Variants in STX1A observed in about 807,000 individuals in gnomAD.
STX1A encodes the protein syntaxin 1A.
STX1A carries 4 observed loss-of-function variants against 37.8 expected under a neutral mutation model. The observed-to-expected ratio is 0.11, with a 90% CI of 0.05 to 0.24. The LOEUF is 0.24. Ranked by LOEUF, STX1A falls within the 10% of genes least tolerant of loss-of-function variation. The probability of loss-of-function intolerance (pLI) is 1.00; values close to 1 mark genes in which losing one functional copy is unlikely to be tolerated. For missense variants in STX1A, 251 were observed against 399.9 expected (o/e 0.63, Z 3.18); for synonymous variants, 135 against 147.4 (o/e 0.92, Z 0.61).
At position 73,706,673 on chromosome 7, in the gene STX1A, C is replaced by T. The variant is rs1417390880; in HGVS notation, c.209-1449G>A. On this transcript the variant is annotated intron_variant, in intron 3 of 9. Coordinates refer to ENST00000222812, the MANE Select transcript of STX1A (RefSeq NM_004603.4). The surrounding 1 kb of genome is among the most constrained non-coding windows in gnomAD (Gnocchi z 4.6). ...GCAGACAGCTCTGCTGCCCCATGCC[C>T]GCCCCACCTGCCAGCAGTGAGAGAC... 6.6e-6 allele frequency among the ~76,000 whole-genome samples: 1 copy of T among 152,070 alleles called. No homozygotes were observed. The highest frequency in any genetic ancestry group is 6.6e-5 in the Admixed American group (1 of 15,266).
chr7:73,704,527 T>A lies in STX1A; in HGVS notation c.284-104A>T, dbSNP rs1423463313. 10 of 1,423,320 alleles carry A rather than the reference T, an allele frequency of 7.0e-6. No homozygotes were observed. The African/African-American group carries it at 1.4e-4, about 20-fold the overall frequency. The allele number at this position is 1,423,320 out of a possible 1,614,324, so 88.2% of individuals were successfully genotyped here. On this transcript the variant is annotated intron_variant, in intron 4 of 9. Transcript: ENST00000222812. ...ACCTTCCCACATCCCCTAGGGTATG[T>A]GTGTGGCCTGTGGCTGGTGGGATCA...
Position 73,706,623 on chromosome 7 carries a change from G to A in STX1A, c.209-1399C>T, listed in dbSNP as rs1350306140. ...CGCAGCAGGAGACGGTGCAGGAGGT[G>A]GCCTGCAGGAGCCCAAGGTGTGGAG... On this transcript the variant is annotated intron_variant, in intron 3 of 9. Coordinates refer to ENST00000222812, the MANE Select transcript of STX1A (RefSeq NM_004603.4). This position sits in a 1 kb window ranked among gnomAD's most constrained non-coding sequence, Gnocchi z 4.6. 1.3e-5 allele frequency among the ~76,000 whole-genome samples: 2 copies of A among 152,112 alleles called. No homozygotes were observed. The highest frequency in any genetic ancestry group is 6.6e-5 in the Admixed American group (1 of 15,264).
In STX1A at chr7:73,705,114, A is replaced by G; in HGVS notation, c.283+36T>C. On this transcript the variant is annotated intron_variant, in intron 4 of 9. Transcript: ENST00000222812. This position sits in a 1 kb window ranked among gnomAD's most constrained non-coding sequence, Gnocchi z 5.2. ...GCTCCGCAGAGGAAGCAGGCCTAGA[A>G]TGCCCCCCACCCACCCCCAGACAAG... 6.2e-7 allele frequency: 1 copy of G among 1,600,584 alleles called. No homozygotes were observed. The highest frequency in any genetic ancestry group is 8.6e-7 in the Non-Finnish European group (1 of 1,167,680).
chr7:73,702,887 T>C lies in STX1A; in HGVS notation c.636A>G (p.Leu212=), dbSNP rs782714325. 2 of 1,613,906 alleles carry C rather than the reference T, an allele frequency of 1.2e-6. No individual in the cohort carries two copies. Among genetic ancestry groups the C allele is most frequent in the East Asian group, 2.2e-5 (1 of 44,872 alleles). Residue 212 remains leucine, a synonymous_variant, in exon 8 of 10, where the codon CTA becomes CTG. Coordinates refer to ENST00000222812, the MANE Select transcript of STX1A (RefSeq NM_004603.4). The surrounding 1 kb of genome is among the most constrained non-coding windows in gnomAD (Gnocchi z 4.7). ...TGGCCATGTCCATGAACATGTCGTG[T>C]AGCTCACGGATGCTGTTCTCCAGCT... The part of the protein sequence containing the change: ...IIKLENSIRE[L]HDMFMDMAML...
rs1554615709 is a variant in STX1A, at chr7:73,700,670, ATGGTTG to A, written c.789+54_789+59del. 2 of 1,598,070 alleles carry A rather than the reference ATGGTTG, an allele frequency of 1.3e-6. No homozygotes were observed. The highest frequency in any genetic ancestry group is 2.7e-5 in the African/African-American group (2 of 74,018). ...GAGGTGGGATGGGGAGGGATGTGGG[ATGGTTG>A]GGGGTCCCTAATGGGTGCTGGGGCA... On this transcript the variant is annotated intron_variant, in intron 9 of 9. Coordinates refer to ENST00000222812, the MANE Select transcript of STX1A (RefSeq NM_004603.4). This position sits in a 1 kb window ranked among gnomAD's most constrained non-coding sequence, Gnocchi z 4.4.
In STX1A at chr7:73,709,199, C is replaced by T. The variant is rs73362402; in HGVS notation, c.31-77G>A. On this transcript the variant is annotated intron_variant, in intron 1 of 9. Transcript: ENST00000222812. The surrounding 1 kb of genome is among the most constrained non-coding windows in gnomAD (Gnocchi z 4.2). Reference sequence around the variant, plus strand: ...ACACACGCAGGTGCCCAGGGTACAGCGCCAGGGCCCTGCCCCTCCCCCTCT... The same window carrying T: ...ACACACGCAGGTGCCCAGGGTACAGTGCCAGGGCCCTGCCCCTCCCCCTCT... 0.087 allele frequency: 127,004 copies of T among 1,463,200 alleles called. 5,839 individuals carry two copies. Among genetic ancestry groups the T allele is most frequent in the Middle Eastern group, 0.1 (572 of 5,484 alleles). 90.6% of individuals were successfully genotyped at this position (1,463,200 alleles called of 1,614,324 possible).
Position 73,701,736 on chromosome 7 carries a change from G to A in STX1A, c.679-896C>T, listed in dbSNP as rs189255999. On this transcript the variant is annotated intron_variant, in intron 8 of 9. Transcript: ENST00000222812. ...CTGTTTCTCACCAGATGGCGGCAGC[G>A]GCAGCCTCCTGACGGCCTCCGTACT... is the stretch of plus-strand genomic sequence containing the variant. Among the ~76,000 whole-genome samples the A allele has an allele frequency of 3.5e-4, 53 of 152,216 alleles. No individual in the cohort carries two copies. In the East Asian group the frequency reaches 7.0e-3, roughly 20 times the overall value.
chr7:73,702,614 G>C lies in STX1A; in HGVS notation c.678+231C>G. On this transcript the variant is annotated intron_variant, in intron 8 of 9. Coordinates refer to ENST00000222812, the MANE Select transcript of STX1A (RefSeq NM_004603.4). The surrounding 1 kb of genome is among the most constrained non-coding windows in gnomAD (Gnocchi z 4.7). The stretch of plus-strand genomic sequence containing the variant: ...GGAATGAGAGACGGCGGGGTATAGA[G>C]GGTGGGGCCATGCAGGGCCTGGGGT... 7.5e-7 allele frequency: 1 copy of C among 1,325,530 alleles called. No homozygotes were observed. The highest frequency in any genetic ancestry group is 1.5e-5 in the African/African-American group (1 of 67,424). The allele number at this position is 1,325,530 out of a possible 1,614,324, so 82.1% of individuals were successfully genotyped here.
chr7:73,711,748 G>A (rs1799110882), intron 1 of STX1A, among the ~76,000 whole-genome samples: 2 of 152,118 alleles, frequency 1.3e-5, no homozygotes, highest in Non-Finnish European at 2.9e-5. Context: ...GATCAGGGTA[G>A]ATGACAAAGG....
intron 1 of STX1A, among the ~76,000 whole-genome samples, chr7:73,714,264 C>T (rs1257474869): frequency 2.0e-5 from 3 of 151,796 alleles, no homozygotes; most frequent in Admixed American, 2.0e-4. Flanking sequence ...ACCCGCACCA[C>T]ACCCGGCTAG....
rs911459423 is a variant in STX1A at position 73,702,597 on chromosome 7, A to C, written c.678+248T>G. 33 of 1,197,182 alleles carry C rather than the reference A, an allele frequency of 2.8e-5. No homozygotes were observed. Among genetic ancestry groups the C allele is most frequent in the Non-Finnish European group, 3.5e-5 (31 of 887,238 alleles). 74.2% of individuals were successfully genotyped at this position (1,197,182 alleles called of 1,614,324 possible). On this transcript the variant is annotated intron_variant, in intron 8 of 9. Coordinates refer to ENST00000222812, the MANE Select transcript of STX1A (RefSeq NM_004603.4). The surrounding 1 kb of genome is among the most constrained non-coding windows in gnomAD (Gnocchi z 4.7). ...GAGGAAACAGTAGTAGGGGAATGAGAGACGGCGGGGTATAGAGGGTGGGGC... is the reference window on the plus strand; with the variant it reads ...GAGGAAACAGTAGTAGGGGAATGAGCGACGGCGGGGTATAGAGGGTGGGGC...
At chr7:73,708,830 G>T in intron 2 of STX1A, 142 bp from the exon 3 acceptor site, 1 of 950,436 alleles carries the variant, frequency 1.1e-6, no homozygotes, top group Non-Finnish European at 1.6e-6. Flanking sequence ...CAGTGGGGGT[G>T]CATCCTTCCA....
In STX1A at chr7:73,719,622, G is replaced by C; in HGVS notation, c.10C>G (p.Arg4Gly). Reference sequence around the variant, plus strand: ...CTCACCGTGCGGAGCTCCTGGGTTCGGTCCTTCATGCTCCCGGGAGTGGCA... The same window carrying C: ...CTCACCGTGCGGAGCTCCTGGGTTCCGTCCTTCATGCTCCCGGGAGTGGCA... MKD[R>G]TQELRTAKDS... Residue 4 changes from arginine to glycine, a missense_variant, in exon 1 of 10, where the codon CGA (arginine) becomes GGA (glycine). Around this residue, in one of 2 missense-constraint regions of STX1A, gnomAD observed 37 missense variants for 32.3 expected, o/e 1.15. Transcript: ENST00000222812. 1 of 1,202,400 alleles carries C rather than the reference G, an allele frequency of 8.3e-7. No homozygotes were observed. The highest frequency in any genetic ancestry group is 1.0e-6 in the Non-Finnish European group (1 of 963,668). 74.5% of individuals were successfully genotyped at this position (1,202,400 alleles called of 1,614,324 possible).
rs782199269 is a variant in STX1A, at chr7:73,709,442, C to T, written c.31-320G>A. Among the ~76,000 whole-genome samples the T allele has an allele frequency of 1.3e-5, 2 of 152,082 alleles. No individual in the cohort carries two copies. The highest frequency in any genetic ancestry group is 2.1e-4 in the South Asian group (1 of 4,822). On this transcript the variant is annotated intron_variant, in intron 1 of 9. Coordinates refer to ENST00000222812, the MANE Select transcript of STX1A (RefSeq NM_004603.4). This position sits in a 1 kb window ranked among gnomAD's most constrained non-coding sequence, Gnocchi z 4.2. ...CTGGGGAGGCAAGCGAGCCTGGGGC[C>T]GGCCGCTCTGTCTGGGCCCTCTGGG...
rs1041412435 is a variant in STX1A at position 73,699,215 on chromosome 7, A to T, written c.*1192T>A. ...AATCTACAACAGAGGCCTGGTACAG[A>T]TACAAATGTTTATTCTACATAAAAA... On this transcript the variant is annotated 3_prime_UTR_variant, in exon 10 of 10. Transcript: ENST00000222812. The T allele has an allele frequency of 4.6e-5, 7 of 152,648 alleles. No homozygotes were observed. Among genetic ancestry groups the T allele is most frequent in the Admixed American group, 1.3e-4 (2 of 15,290 alleles). 9.5% of individuals were successfully genotyped at this position (152,648 alleles called of 1,614,324 possible). A position where few individuals can be genotyped will look rare whatever the true frequency, so the allele number is the denominator to read the frequency against.
At chr7:73,710,386 C>T (rs1244352945) in intron 1 of STX1A, among the ~76,000 whole-genome samples, 1 of 152,250 alleles carries the variant, frequency 6.6e-6, no homozygotes, top group African/African-American at 2.4e-5. Context: ...GGACTGAGGT[C>T]TCTCAGCCTG....
chr7:73,701,054 G>T, intron 8 of STX1A: 2 of 889,460 alleles, frequency 2.2e-6, no homozygotes, highest in Non-Finnish European at 3.4e-6. Flanking sequence ...TCCCCGCAGA[G>T]CAGCAATCCT....
chr7:73,704,261 G>A lies in STX1A; in HGVS notation c.358-5C>T, dbSNP rs1554616444. On this transcript the variant is annotated splice_polypyrimidine_tract_variant and splice_region_variant and intron_variant, in intron 5 of 9. Coordinates refer to ENST00000222812, the MANE Select transcript of STX1A (RefSeq NM_004603.4). ...CTTTCTGGACAGCGTGGAGTGCTGG[G>A]GGCCCGAGATGGAGGTGCAGGGGTC... The A allele has an allele frequency of 6.2e-7, 1 of 1,613,948 alleles. No homozygotes were observed.
rs782717779 is a variant in STX1A, at chr7:73,708,623, G to A, written c.174C>T (p.His58=). Residue 58 remains histidine (H), a synonymous_variant, in exon 3 of 10, where the codon CAC becomes CAT. Coordinates refer to ENST00000222812, the MANE Select transcript of STX1A (RefSeq NM_004603.4). ...AENVEEVKRK[H]SAILASPNPD... ...GGTTGGGGGATGCCAGGATGGCACT[G>A]TGCTTCCGCTTCACCTCCTCCACGT... The A allele has an allele frequency of 4.3e-6, 7 of 1,614,202 alleles. No individual in the cohort carries two copies. The highest frequency in any genetic ancestry group is 1.1e-5 in the South Asian group (1 of 91,076).
Sources: gnomAD v4.1 joint callset for allele counts (sites outside exome capture counted in the v4.1 genomes callset) on GRCh38, gnomAD v4.1.1 for gene constraint, gnomAD v4.1.1 regional missense constraint, Gnocchi (gnomAD v3.1) non-coding constraint, MANE v1.5 for transcripts, NCBI Gene and HGNC (gene_info 2026-07-23, HGNC 2026-07-21) for gene names.